The following BCL11A variants were observed in gnomAD, a reference collection of about 807,000 sequenced individuals.
BCL11A encodes BCL11 transcription factor A.
Under a neutral mutation model 55.9 loss-of-function variants are expected in BCL11A, and 2 were observed. The observed-to-expected ratio is 0.04, with a 90% CI of 0.01 to 0.11. The LOEUF (loss-of-function observed/expected upper bound fraction) is 0.11. Among genes scored for constraint, BCL11A ranks in the 10% least tolerant of loss-of-function variants. The pLI, the probability that BCL11A is intolerant of heterozygous loss-of-function variation, is 1.00. For synonymous variants in BCL11A, 465 were observed against 473.4 expected, an observed-to-expected ratio of 0.98 and a Z score of 0.23; for missense variants, 817 against 1,137.1, an observed-to-expected ratio of 0.72 and a Z score of 4.05.
intron 3 of BCL11A, among the ~76,000 whole-genome samples, chr2:60,467,828 ATGGTGG>A (rs1273338866): frequency 1.5e-5 from 1 of 68,622 alleles, no homozygotes; most frequent in Non-Finnish European, 3.0e-5. Context: ...GGTGATGGTG[ATGGTGG>A]TGGTGGTGGT....
intron 2 of BCL11A, among the ~76,000 whole-genome samples, chr2:60,494,432 T>G (rs559058883): frequency 6.6e-6 from 1 of 152,318 alleles, no homozygotes; most frequent in East Asian, 1.9e-4. Flanking sequence ...TCTTATGCAA[T>G]TTTTGCCAAG....
chr2:60,470,089 T>C (rs372836194), intron 2 of BCL11A, among the ~76,000 whole-genome samples: 1 of 152,162 alleles, frequency 6.6e-6, no homozygotes, highest in Non-Finnish European at 1.5e-5. Flanking sequence ...AGATTTCCTT[T>C]CGCAAGGAGC....
chr2:60,464,782 C>T (rs1558616266), intron 3 of BCL11A, among the ~76,000 whole-genome samples: 1 of 152,184 alleles, frequency 6.6e-6, no homozygotes, highest in Non-Finnish European at 1.5e-5. Flanking sequence ...CTGCCCTGAG[C>T]ATCCTAAACT....
Position 60,546,568 on chromosome 2 carries a change from T to A in BCL11A, c.56-268A>T, listed in dbSNP as rs1287433173. On this transcript the variant is annotated intron_variant, in intron 1 of 3. Coordinates refer to ENST00000642384, the MANE Select transcript of BCL11A (RefSeq NM_022893.4). The surrounding 1 kb of genome is among the most constrained non-coding windows in gnomAD (Gnocchi z 4.1). Reference sequence around the variant, plus strand: ...ACTCCAGAGAACACACACACACACATATACCCATGCACACACCCACAGCAA... The same window carrying A: ...ACTCCAGAGAACACACACACACACAAATACCCATGCACACACCCACAGCAA... 6.6e-6 allele frequency among the ~76,000 whole-genome samples: 1 copy of A among 151,844 alleles called. No individual in the cohort carries two copies. Among genetic ancestry groups the A allele is most frequent in the Non-Finnish European group, 1.5e-5 (1 of 67,958 alleles).
chr2:60,502,751 G>A (rs992072916), intron 2 of BCL11A, among the ~76,000 whole-genome samples: 1 of 152,208 alleles, frequency 6.6e-6, no homozygotes, highest in African/African-American at 2.4e-5. Flanking sequence ...GATCATGGTA[G>A]CACAGTAGAG....
chr2:60,498,289 G>C (rs1679068219), intron 2 of BCL11A, among the ~76,000 whole-genome samples: 1 of 151,878 alleles, frequency 6.6e-6, no homozygotes. Context: ...AGAGGCCCTG[G>C]ACACTGAAGG....
At chr2:60,518,431 G>A (rs1188356372) in intron 2 of BCL11A, among the ~76,000 whole-genome samples, 1 of 152,214 alleles carries the variant, frequency 6.6e-6, no homozygotes, top group African/African-American at 2.4e-5. Context: ...CGATAGAGCA[G>A]ATTCAGGATT....
chr2:60,550,696 C>G (rs913747743), intron 1 of BCL11A, among the ~76,000 whole-genome samples: 28 of 152,154 alleles, frequency 1.8e-4, no homozygotes, highest in African/African-American at 6.8e-4. Context: ...GGAGGGGGTA[C>G]TAACCCTCCC....
chr2:60,491,698 A>T (rs1050056843), intron 2 of BCL11A, among the ~76,000 whole-genome samples: 2 of 151,336 alleles, frequency 1.3e-5, no homozygotes, highest in Non-Finnish European at 2.9e-5. Context: ...AGAAAAAAAA[A>T]AAAAAGAAAG....
rs1172600762 is a variant in BCL11A at position 60,451,295 on chromosome 2, G to A, written c.*1280C>T. 5 of 226,736 alleles carry A rather than the reference G, an allele frequency of 2.2e-5. No homozygotes were observed. In the East Asian group the frequency reaches 3.2e-4, roughly 14 times the overall value. 14.0% of individuals were successfully genotyped at this position (226,736 alleles called of 1,614,324 possible). A position where few individuals can be genotyped will look rare whatever the true frequency, so the allele number is the denominator to read the frequency against. ...TAGGATTTTCCCCACTTAGGTTCAC[G>A]GCCTGTATGTGAATCTACAGCACAC... On this transcript the variant is annotated 3_prime_UTR_variant, in exon 5 of 5. Coordinates refer to the BCL11A transcript ENST00000356842.
chr2:60,549,066 A>ACT (rs1670276584), intron 1 of BCL11A, among the ~76,000 whole-genome samples: 1 of 152,218 alleles, frequency 6.6e-6, no homozygotes, highest in Non-Finnish European at 1.5e-5. Flanking sequence ...CAAAGCAGGG[A>ACT]GTCCTCGATT....
chr2:60,461,282 G>A lies in BCL11A; in HGVS notation c.1630C>T (p.Pro544Ser). Reference protein sequence around the residue: ...VGVGDESRALPDVMQGMVLSS... With the variant: ...VGVGDESRALSDVMQGMVLSS... ...AGCACCATGCCCTGCATGACGTCGG[G>A]CAGGGCGCGGCTCTCGTCGCCCACG... The change falls in exon 4 of 4, where the codon CCC becomes TCC. Residue 544 changes from proline (P) to serine (S), a missense_variant. Coordinates refer to ENST00000642384, the MANE Select transcript of BCL11A (RefSeq NM_022893.4). 1.2e-6 allele frequency: 2 copies of A among 1,604,674 alleles called. No individual in the cohort carries two copies. Among genetic ancestry groups the A allele is most frequent in the Non-Finnish European group, 1.7e-6 (2 of 1,179,246 alleles).
chr2:60,476,479 G>C (rs1280098182), intron 2 of BCL11A, among the ~76,000 whole-genome samples: 1 of 152,222 alleles, frequency 6.6e-6, no homozygotes, highest in Admixed American at 6.5e-5. Flanking sequence ...TCTAAGAAAA[G>C]GGAGTCCTCT....
chr2:60,547,530 A>T (rs1204755129), intron 1 of BCL11A, among the ~76,000 whole-genome samples: 1 of 151,866 alleles, frequency 6.6e-6, no homozygotes, highest in Non-Finnish European at 1.5e-5. Context: ...AAAAAAAATC[A>T]CAAAATACAA....
chr2:60,452,707 T>G, downstream of BCL11A: 1 of 1,464,978 alleles, frequency 6.8e-7, no homozygotes, highest in Non-Finnish European at 9.6e-7. Context: ...AAAAAAAAAG[T>G]ACAGGTGTGA....
chr2:60,477,860 G>A (rs1046564749), intron 2 of BCL11A, among the ~76,000 whole-genome samples: 1 of 152,176 alleles, frequency 6.6e-6, no homozygotes, highest in African/African-American at 2.4e-5. Context: ...GGAAGGCTCT[G>A]TCAGGCCTCC....
chr2:60,483,545 T>C (rs923304656), intron 2 of BCL11A, among the ~76,000 whole-genome samples: 2 of 152,238 alleles, frequency 1.3e-5, no homozygotes, highest in African/African-American at 2.4e-5. Context: ...TGTGTTTTGA[T>C]TGTAATATTT....
At chr2:60,494,215 A>C (rs1343297878) in intron 2 of BCL11A, among the ~76,000 whole-genome samples, 2 of 152,166 alleles carry the variant, frequency 1.3e-5, no homozygotes, top group African/African-American at 4.8e-5. Context: ...AGGCTAAGCA[A>C]GAGTGAGAGA....
chr2:60,492,265 G>A (rs1678681827), intron 2 of BCL11A, among the ~76,000 whole-genome samples: 2 of 152,174 alleles, frequency 1.3e-5, no homozygotes, highest in Admixed American at 1.3e-4. Flanking sequence ...TACTCAGGAG[G>A]CTGAGGTGAC....
Sources: allele counts gnomAD v4.1 joint callset (sites outside exome capture counted in the v4.1 genomes callset), GRCh38; gene constraint gnomAD v4.1.1; non-coding constraint Gnocchi (gnomAD v3.1); transcripts MANE v1.5; gene names NCBI Gene and HGNC (gene_info 2026-07-23, HGNC 2026-07-21).